The following NCKAP5 variants were observed in gnomAD, a reference collection of about 807,000 sequenced individuals.
The protein encoded by NCKAP5 is nck-associated protein 5.
A neutral mutation model predicts 167.0 loss-of-function variants in NCKAP5; 92 were observed. That is an observed-to-expected ratio of 0.55 (90% CI 0.47 to 0.66). The LOEUF is 0.66. NCKAP5 is among the 30% of genes least tolerant of loss of function. The pLI, the probability that NCKAP5 is intolerant of heterozygous loss-of-function variation, is 0.00. For missense variants in NCKAP5, 2,378 were observed against 2,315.0 expected, an observed-to-expected ratio of 1.03 and a Z score of -0.56; for synonymous variants, 891 against 877.4, an observed-to-expected ratio of 1.02 and a Z score of -0.27.
the NCKAP5 span, among the ~76,000 whole-genome samples, chr2:133,647,356 AAAGGAAGGAAGGAAGAAAGAAAGG>A: frequency 3.3e-5 from 4 of 121,730 alleles, no homozygotes; most frequent in African/African-American, 1.5e-4. Flanking sequence ...GAAAGGAAAG[AAAGGAAGGAAGGAAGAAAGAAAGG>A]AAGGAAGGAA....
intron 4 of NCKAP5, among the ~76,000 whole-genome samples, chr2:133,221,128 T>C (rs2086646123): frequency 6.6e-6 from 1 of 151,890 alleles, no homozygotes; most frequent in South Asian, 2.1e-4. Flanking sequence ...TGCAGGATGA[T>C]CTGTGTGATC....
At chr2:133,279,923 G>T (rs1044981183) in intron 4 of NCKAP5, among the ~76,000 whole-genome samples, 2 of 152,128 alleles carry the variant, frequency 1.3e-5, no homozygotes, top group African/African-American at 4.8e-5. Flanking sequence ...CATGTGTCAG[G>T]TTCTTAGAAT....
intron 6 of NCKAP5, among the ~76,000 whole-genome samples, chr2:132,995,285 A>T (rs1391530111): frequency 6.6e-6 from 1 of 152,246 alleles, no homozygotes; most frequent in East Asian, 1.9e-4. Flanking sequence ...ATCTTAAAAC[A>T]TAAACATGTA....
intron 5 of NCKAP5, among the ~76,000 whole-genome samples, chr2:133,172,788 C>T (rs1313672559): frequency 6.6e-6 from 1 of 152,142 alleles, no homozygotes; most frequent in African/African-American, 2.4e-5. Flanking sequence ...GCTGGGACTA[C>T]AGGCGCCCAC....
At chr2:133,419,515 A>G (rs1689336636) in intron 3 of NCKAP5, among the ~76,000 whole-genome samples, 1 of 152,224 alleles carries the variant, frequency 6.6e-6, no homozygotes, top group Non-Finnish European at 1.5e-5. Flanking sequence ...TTATAAGTAC[A>G]TGAGCCTACA....
At chr2:132,988,460 C>CAAAAAAAAAAAAAAAAAAAA (rs57024269) in intron 7 of NCKAP5, among the ~76,000 whole-genome samples, 1 of 70,626 alleles carries the variant, frequency 1.4e-5, no homozygotes, top group African/African-American at 5.0e-5. Context: ...GACTTTGCCT[C>CAAAAAAAAAAAAAAAAAAAA]AAAAAAAAAA....
chr2:133,470,878 G>T (rs1679217977), intron 3 of NCKAP5, among the ~76,000 whole-genome samples: 1 of 152,254 alleles, frequency 6.6e-6, no homozygotes, highest in Non-Finnish European at 1.5e-5. Flanking sequence ...GCTTGCGCAT[G>T]GTGCGCGCAC....
At chr2:132,966,446 T>C (rs946310882) in intron 7 of NCKAP5, among the ~76,000 whole-genome samples, 3 of 152,208 alleles carry the variant, frequency 2.0e-5, no homozygotes, top group African/African-American at 7.2e-5. Context: ...CTTTGTCTCC[T>C]AAACTCCTAA....
chr2:133,382,777 T>C (rs1686618854), intron 3 of NCKAP5, among the ~76,000 whole-genome samples: 1 of 152,218 alleles, frequency 6.6e-6, no homozygotes, highest in Admixed American at 6.5e-5. Flanking sequence ...GGGCATTATA[T>C]GATCAATGTC....
At chr2:132,835,567 C>A (rs189218335) in intron 11 of NCKAP5, among the ~76,000 whole-genome samples, 1 of 146,800 alleles carries the variant, frequency 6.8e-6, no homozygotes, top group East Asian at 2.0e-4. Context: ...TTTTTTTTTT[C>A]CTTTACATCA....
intron 12 of NCKAP5, among the ~76,000 whole-genome samples, chr2:132,795,820 G>GAAAAAAAA (rs55826486): frequency 2.9e-4 from 25 of 85,020 alleles, no homozygotes; most frequent in Non-Finnish European, 4.4e-4. Flanking sequence ...CCCCGTATCA[G>GAAAAAAAA]AAAAAAAAAA....
intron 4 of NCKAP5, among the ~76,000 whole-genome samples, chr2:133,213,988 C>A (rs755305554): frequency 6.6e-6 from 1 of 152,172 alleles, no homozygotes; most frequent in Non-Finnish European, 1.5e-5. Flanking sequence ...ATAGATTTTA[C>A]AATAGCCAAA....
chr2:132,698,856 C>CA (rs1294093439), intron 19 of NCKAP5, among the ~76,000 whole-genome samples: 1,536 of 146,800 alleles, frequency 0.01, 27 homozygotes, highest in African/African-American at 0.036. Flanking sequence ...AACAAACAAA[C>CA]AAAAAAAAAA....
At chr2:133,179,901 GAA>G (rs2084655306) in intron 5 of NCKAP5, among the ~76,000 whole-genome samples, 1 of 151,702 alleles carries the variant, frequency 6.6e-6, no homozygotes, top group South Asian at 2.1e-4. Context: ...TTGAGGAAGA[GAA>G]AAGAGACTGA....
intron 8 of NCKAP5, among the ~76,000 whole-genome samples, chr2:132,889,730 C>T (rs572351484): frequency 6.6e-6 from 1 of 152,278 alleles, no homozygotes; most frequent in East Asian, 1.9e-4. Flanking sequence ...ATTATTCAAC[C>T]AGGCTAGAAT....
At chr2:133,395,239 T>C (rs1353000157) in intron 3 of NCKAP5, among the ~76,000 whole-genome samples, 1 of 152,156 alleles carries the variant, frequency 6.6e-6, no homozygotes. Context: ...CTGAGAGAGA[T>C]GGATTGGCAG....
At chr2:133,456,086 C>T (rs771496562) in intron 3 of NCKAP5, among the ~76,000 whole-genome samples, 14 of 152,148 alleles carry the variant, frequency 9.2e-5, no homozygotes, top group Admixed American at 2.6e-4. Context: ...GATATTATCA[C>T]TTTATGATCT....
chr2:132,747,598 A>C (rs2104762531), intron 16 of NCKAP5, among the ~76,000 whole-genome samples: 1 of 111,484 alleles, frequency 9.0e-6, no homozygotes, highest in Non-Finnish European at 1.9e-5. Flanking sequence ...TGCCCCAGAC[A>C]CTCCTCTGCA....
At chr2:133,296,670 TA>T (rs1174248297) in intron 4 of NCKAP5, among the ~76,000 whole-genome samples, 2 of 152,180 alleles carry the variant, frequency 1.3e-5, no homozygotes, top group African/African-American at 4.8e-5. Flanking sequence ...CAGTGCTGAG[TA>T]ATCTTAAATA....
Sources: allele counts gnomAD v4.1 joint callset (sites outside exome capture counted in the v4.1 genomes callset), GRCh38; gene constraint gnomAD v4.1.1; transcripts MANE v1.5; gene names NCBI Gene and HGNC (gene_info 2026-07-23, HGNC 2026-07-21).